The following APEH variants were observed in gnomAD, a reference collection of about 807,000 sequenced individuals.
APEH encodes acylaminoacyl-peptide hydrolase.
In APEH, 75 loss-of-function variants were observed where a neutral mutation model predicts 102.7. The ratio of observed to expected loss-of-function variants is 0.73; its 90% CI spans 0.61 to 0.89. The LOEUF (loss-of-function observed/expected upper bound fraction) is 0.89, where lower values mean the gene tolerates loss of function less well. Among genes scored for constraint, APEH ranks in the 40% least tolerant of loss-of-function variants. The pLI is 0.00. For synonymous variants in APEH, 344 were observed against 362.7 expected (o/e 0.95, Z 0.59); for missense variants, 863 against 941.2 (o/e 0.92, Z 1.09).
chr3:49,681,208 G>A lies in APEH; in HGVS notation c.1407G>A (p.Gln469=). ...TCCACTGGGGCATCCGGGTGCTACA[G>A]CCACCCCCAGAGCAAGAGAATGTGC... ...PDIHWGIRVL[Q]PPPEQENVQY... The change falls in exon 15 of 22, where the codon CAG becomes CAA. Residue 469 remains glutamine (Q), a synonymous_variant. Transcript: ENST00000296456. 1.2e-6 allele frequency: 2 copies of A among 1,606,990 alleles called. No individual in the cohort carries two copies. Among genetic ancestry groups the A allele is most frequent in the Middle Eastern group, 1.7e-4 (1 of 6,022 alleles).
chr3:49,677,640 C>T lies in APEH; in HGVS notation c.1060+7C>T, dbSNP rs752873856. 1 of 1,612,494 alleles carries T rather than the reference C, an allele frequency of 6.2e-7. No individual in the cohort carries two copies. Among genetic ancestry groups the T allele is most frequent in the South Asian group, 1.1e-5 (1 of 91,054 alleles). ...GTGCCTCGGCAGCTGGGAGGTAAGG[C>T]ATACCTGGCTGGGTGGGTGCAGTGG... is the stretch of plus-strand genomic sequence containing the variant. On this transcript the variant is annotated splice_region_variant and intron_variant, in intron 11 of 21. Coordinates refer to ENST00000296456, the MANE Select transcript of APEH (RefSeq NM_001640.4).
chr3:49,682,096 C>T, intron 17 of APEH, 129 bp downstream of exon 17: 8 of 1,068,080 alleles, frequency 7.5e-6, no homozygotes, highest in Non-Finnish European at 1.1e-5. Flanking sequence ...CTAGTAACCA[C>T]TACCAGGAAC....
At position 49,675,517 on chromosome 3, in the gene APEH, G is replaced by A. The variant is rs974275648; in HGVS notation, c.273-177G>A. 2.0e-5 allele frequency: 19 copies of A among 940,650 alleles called. No homozygotes were observed. In the South Asian group the frequency reaches 2.9e-4, roughly 15 times the overall value. 58.3% of individuals were successfully genotyped at this position (940,650 alleles called of 1,614,324 possible). A position where few individuals can be genotyped will look rare whatever the true frequency, so the allele number is the denominator to read the frequency against. On this transcript the variant is annotated intron_variant, in intron 3 of 21. Transcript: ENST00000296456. ...GGACTAGAGCCCATGGTGGCCTGGG[G>A]AGTTGCAGAGAGTAGAGTCTCTGCC...
rs1360658107 is a variant in APEH, at chr3:49,674,376, C to T, written c.-26C>T. 1.9e-6 allele frequency: 3 copies of T among 1,562,514 alleles called. No homozygotes were observed. The highest frequency in any genetic ancestry group is 1.2e-5 in the South Asian group (1 of 86,270). ...ACTTCCGGGCGCGAGCACGCCCCGC[C>T]TCGCCCCGGCGGCAGAGAGGAGACT... is the stretch of plus-strand genomic sequence containing the variant. On this transcript the variant is annotated 5_prime_UTR_variant, in exon 1 of 22. Coordinates refer to ENST00000296456, the MANE Select transcript of APEH (RefSeq NM_001640.4).
Position 49,674,411 on chromosome 3 carries a change from C to T in APEH, c.10C>T (p.Gln4Ter), listed in dbSNP as rs200397475. The T allele has an allele frequency of 1.9e-6, 3 of 1,576,016 alleles. No individual in the cohort carries two copies. The highest frequency in any genetic ancestry group is 2.6e-6 in the Non-Finnish European group (3 of 1,167,148). MER[Q>*]VLLSEPEEAA... ...CGGCAGAGAGGAGACTATGGAACGT[C>T]AGGTGAGGGCTCGGCCCGCGGTCCC... Residue 4 changes from glutamine (Q) to a stop codon, truncating the protein, a stop_gained and splice_region_variant, in exon 1 of 22, where the codon CAG becomes TAG. Coordinates refer to ENST00000296456, the MANE Select transcript of APEH (RefSeq NM_001640.4). LOFTEE classifies it high-confidence loss of function.
At chr3:49,683,209 C>T in intron 21 of APEH, 28 bp from the exon 22 acceptor site, 3 of 1,610,394 alleles carry the variant, frequency 1.9e-6, no homozygotes, top group African/African-American at 1.3e-5. Context: ...ACCCTCCAAC[C>T]TTAAATGTTG....
intron 8 of APEH, 24 bp downstream of exon 8, chr3:49,676,724 G>T: frequency 6.2e-7 from 1 of 1,614,192 alleles, no homozygotes; most frequent in Non-Finnish European, 8.5e-7. Context: ...GCAAGGCAAG[G>T]GGCCTTGCAG....
intron 13 of APEH, 155 bp from the exon 14 acceptor site, chr3:49,680,386 C>T (rs986225223): frequency 5.1e-5 from 33 of 642,026 alleles, no homozygotes; most frequent in African/African-American, 9.1e-5. Flanking sequence ...GAGGCTCACC[C>T]GGGGCCATGT....
At chr3:49,681,616 C>T in intron 15 of APEH, 106 bp from the exon 16 acceptor site, 1 of 1,076,994 alleles carries the variant, frequency 9.3e-7, no homozygotes, top group South Asian at 1.7e-5. Context: ...ACTACCTTGG[C>T]CAGGTCTCTG....
At chr3:49,682,763 C>T in intron 19 of APEH, 27 bp downstream of exon 19, 1 of 1,613,490 alleles carries the variant, frequency 6.2e-7, no homozygotes, top group Non-Finnish European at 8.5e-7. Flanking sequence ...GGTCCCTGCC[C>T]TTCCCTCCTC....
intron 14 of APEH, among the ~76,000 whole-genome samples, 168 bp downstream of exon 14, chr3:49,680,797 G>A (rs753270382): frequency 6.6e-6 from 1 of 152,214 alleles, no homozygotes; most frequent in African/African-American, 2.4e-5. Context: ...TCACAGGGAC[G>A]AACTACTAGG....
At chr3:49,677,143 A>C in intron 10 of APEH, 119 bp downstream of exon 10, 1 of 1,416,760 alleles carries the variant, frequency 7.1e-7, no homozygotes, top group Non-Finnish European at 9.7e-7. Flanking sequence ...TCTGTCCTCA[A>C]TGCAGCAGCG....
Position 49,679,341 on chromosome 3 carries a change from T to C in APEH, c.1159-252T>C, listed in dbSNP as rs1227667363. Among the ~76,000 whole-genome samples, 1 of 152,162 alleles carries C rather than the reference T, an allele frequency of 6.6e-6. No individual in the cohort carries two copies. The highest frequency in any genetic ancestry group is 6.5e-5 in the Admixed American group (1 of 15,280). On this transcript the variant is annotated intron_variant, in intron 12 of 21. Transcript: ENST00000296456. The surrounding 1 kb of genome is among the most constrained non-coding windows in gnomAD (Gnocchi z 4.3). The stretch of plus-strand genomic sequence containing the variant: ...TTTTGGGTGTGATATTTGGTCCTTG[T>C]GCCAACTCAAAGGGGCTCAAAGCCA...
chr3:49,673,178 A>G (rs1457700648), upstream of APEH, among the ~76,000 whole-genome samples: 1 of 144,678 alleles, frequency 6.9e-6, no homozygotes, highest in Non-Finnish European at 1.5e-5. Flanking sequence ...GCTACAGGCC[A>G]GACAAGTGGA....
chr3:49,680,653 T>G (rs1213439597), intron 14 of APEH, 24 bp downstream of exon 14: 2 of 1,605,226 alleles, frequency 1.2e-6, no homozygotes, highest in African/African-American at 2.7e-5. Context: ...GGTCCCAGGC[T>G]GTGGAGGCAG....
chr3:49,680,241 C>T (rs1296798575), intron 13 of APEH: 10 of 390,990 alleles, frequency 2.6e-5, no homozygotes, highest in Admixed American at 3.8e-5. Flanking sequence ...CCCAACTTCC[C>T]GGTCCCAGCT....
chr3:49,681,676 G>A (rs573915846), intron 15 of APEH, 46 bp from the exon 16 acceptor site: 1 of 1,453,766 alleles, frequency 6.9e-7, no homozygotes, highest in Non-Finnish European at 9.2e-7. Flanking sequence ...CCTTAGTTGG[G>A]GAAGCCCCTA....
rs561123960 is a variant in APEH, at chr3:49,675,402, C to G, written c.272+93C>G. 7.8e-6 allele frequency: 12 copies of G among 1,532,416 alleles called. No individual in the cohort carries two copies. In the African/African-American group the frequency reaches 9.6e-5, roughly 12 times the overall value. The allele number at this position is 1,532,416 out of a possible 1,614,324, so 94.9% of individuals were successfully genotyped here. The stretch of plus-strand genomic sequence containing the variant: ...CTCACCATGTGCCTAGAAGGGAGGC[C>G]AGCAGCCAGGTTCTTGCCCCCTTGG... On this transcript the variant is annotated intron_variant, in intron 3 of 21. Coordinates refer to ENST00000296456, the MANE Select transcript of APEH (RefSeq NM_001640.4).
In APEH at chr3:49,682,798, G is replaced by A. The variant is rs749324885; in HGVS notation, c.1884-45G>A. The A allele has an allele frequency of 1.3e-4, 205 of 1,613,338 alleles. 1 individual carries two copies. The highest frequency in any genetic ancestry group is 9.9e-4 in the South Asian group (90 of 91,076). ...CTACCTCAAATTCTCATGGAGCCCC[G>A]TAGCCCCAGAATTCCTGGGGCTGCA... On this transcript the variant is annotated intron_variant, in intron 19 of 21. Coordinates refer to ENST00000296456, the MANE Select transcript of APEH (RefSeq NM_001640.4).
Sources: allele counts gnomAD v4.1 joint callset (sites outside exome capture counted in the v4.1 genomes callset), GRCh38; gene constraint gnomAD v4.1.1; non-coding constraint Gnocchi (gnomAD v3.1); transcripts MANE v1.5; gene names NCBI Gene and HGNC (gene_info 2026-07-23, HGNC 2026-07-21).